The following RANBP2 variants were observed in gnomAD, a reference collection of about 807,000 sequenced individuals.
RANBP2 encodes E3 SUMO-protein ligase RanBP2.
Under a neutral mutation model 303.6 loss-of-function variants are expected in RANBP2, and 57 were observed. That is an observed-to-expected ratio of 0.19 (90% CI 0.15 to 0.23). The LOEUF (loss-of-function observed/expected upper bound fraction) is 0.23. RANBP2 is among the 10% of genes least tolerant of loss of function. The pLI is 1.00. For synonymous variants in RANBP2, 1,167 were observed against 1,301.5 expected, an observed-to-expected ratio of 0.90 and a Z score of 2.23; for missense variants, 3,138 against 3,780.8, an observed-to-expected ratio of 0.83 and a Z score of 4.46.
the RANBP2 span, among the ~76,000 whole-genome samples, chr2:109,716,257 T>A: frequency 4.9e-4 from 74 of 152,092 alleles, 1 homozygote; most frequent in South Asian, 1.2e-3. Flanking sequence ...TTAAAAAAAA[T>A]TTATTTATTT....
At chr2:108,965,274 G>A in the RANBP2 span, among the ~76,000 whole-genome samples, 3 of 152,014 alleles carry the variant, frequency 2.0e-5, no homozygotes, top group Non-Finnish European at 4.4e-5. Context: ...TCAGGAGATC[G>A]AGACCATCCT....
At chr2:109,380,944 A>G in the RANBP2 span, among the ~76,000 whole-genome samples, 1 of 152,264 alleles carries the variant, frequency 6.6e-6, no homozygotes, top group Non-Finnish European at 1.5e-5. Flanking sequence ...AAGAAGCTGC[A>G]TGCATGTAGA....
chr2:108,771,381 CTTTAA>C (rs1677485744), intron 20 of RANBP2, among the ~76,000 whole-genome samples: 1 of 152,020 alleles, frequency 6.6e-6, no homozygotes, highest in Non-Finnish European at 1.5e-5. Flanking sequence ...TTAGGCAACA[CTTTAA>C]AATTTTTAAC....
the RANBP2 span, among the ~76,000 whole-genome samples, chr2:108,926,101 G>T: frequency 1.1e-4 from 17 of 152,268 alleles, no homozygotes; most frequent in Non-Finnish European, 1.5e-4. Context: ...TCACCGCCTG[G>T]CTTACACCTG....
chr2:108,738,316 C>T (rs1046851980), intron 6 of RANBP2, among the ~76,000 whole-genome samples: 9 of 151,902 alleles, frequency 5.9e-5, no homozygotes, highest in African/African-American at 2.2e-4. Context: ...ACCTTGTGAT[C>T]CGCCCGCCTC....
At chr2:109,665,261 C>A in the RANBP2 span, 1 of 152,772 alleles carries the variant, frequency 6.5e-6, no homozygotes, top group South Asian at 1.9e-4. Context: ...TGGAAATGGT[C>A]CGATAGCAAC....
At chr2:109,078,230 A>ATATAGCG in the RANBP2 span, among the ~76,000 whole-genome samples, 1 of 39,784 alleles carries the variant, frequency 2.5e-5, no homozygotes, top group Non-Finnish European at 5.2e-5. Flanking sequence ...TATAGCGTGT[A>ATATAGCG]TATATATATA....
chr2:109,466,945 C>G, the RANBP2 span, among the ~76,000 whole-genome samples: 5 of 151,836 alleles, frequency 3.3e-5, no homozygotes, highest in African/African-American at 1.2e-4. Flanking sequence ...ATGTGTGTGT[C>G]TATATATCTG....
the RANBP2 span, among the ~76,000 whole-genome samples, chr2:109,434,359 A>G: frequency 2.8e-4 from 42 of 152,334 alleles, no homozygotes; most frequent in African/African-American, 1.0e-3. Flanking sequence ...CCCAGTTTCC[A>G]GTTTCTCTCC....
At chr2:109,206,552 T>C in the RANBP2 span, among the ~76,000 whole-genome samples, 1 of 134,820 alleles carries the variant, frequency 7.4e-6, no homozygotes, top group Non-Finnish European at 1.6e-5. Context: ...CTCACACCTA[T>C]AATCCCAGCA....
chr2:108,813,531 A>C, the RANBP2 span, among the ~76,000 whole-genome samples: 1 of 152,180 alleles, frequency 6.6e-6, no homozygotes. Flanking sequence ...TTGACACTCC[A>C]CAAGCATTTG....
At chr2:109,037,975 C>G in the RANBP2 span, among the ~76,000 whole-genome samples, 2 of 152,150 alleles carry the variant, frequency 1.3e-5, no homozygotes, top group African/African-American at 4.8e-5. Flanking sequence ...TGGAAAGGCA[C>G]AAGTCCTGGA....
the RANBP2 span, among the ~76,000 whole-genome samples, chr2:108,985,749 G>C: frequency 6.6e-6 from 1 of 152,182 alleles, no homozygotes; most frequent in Admixed American, 6.5e-5. Flanking sequence ...TTGCTAACTA[G>C]GATTTGTTTG....
chr2:108,855,560 C>A, the RANBP2 span, among the ~76,000 whole-genome samples: 1 of 151,516 alleles, frequency 6.6e-6, no homozygotes, highest in African/African-American at 2.4e-5. Context: ...CTTTGTTTAA[C>A]TTAATACACA....
chr2:109,569,966 T>C, the RANBP2 span, among the ~76,000 whole-genome samples: 1 of 151,992 alleles, frequency 6.6e-6, no homozygotes, highest in Non-Finnish European at 1.5e-5. Context: ...ACACCACCTC[T>C]CATCTTTATG....
At chr2:109,422,868 C>G in the RANBP2 span, among the ~76,000 whole-genome samples, 1 of 152,112 alleles carries the variant, frequency 6.6e-6, no homozygotes, top group African/African-American at 2.4e-5. Context: ...ATAGGGCTAC[C>G]CTGCAGGAGC....
chr2:109,552,664 C>T, the RANBP2 span: 1 of 173,886 alleles, frequency 5.8e-6, no homozygotes, highest in Non-Finnish European at 1.2e-5. Flanking sequence ...CCCTGCTAGG[C>T]ATAAGAAAAC....
rs148910172 is a variant in RANBP2, at chr2:108,772,931, C to G, written c.8177C>G (p.Ala2726Gly). The G allele has an allele frequency of 7.6e-5, 122 of 1,613,920 alleles. No individual in the cohort carries two copies. The highest frequency in any genetic ancestry group is 1.0e-4 in the Non-Finnish European group (119 of 1,179,984). The change falls in exon 23 of 29, where the codon GCA (alanine) becomes GGA (glycine). Residue 2726 changes from alanine (A) to glycine (G), a missense_variant. This residue lies in a region of RANBP2 where 497 missense variants were observed against 465.8 expected (regional missense o/e 1.07). Transcript: ENST00000283195. ...CCAACAGTTGAAGAGAAGGCAAAAG[C>G]AGATACGTTAAAACTTCCACCTACA... ...KKPTVEEKAK[A>G]DTLKLPPTFF...
the RANBP2 span, among the ~76,000 whole-genome samples, chr2:109,070,253 G>A: frequency 2.0e-5 from 3 of 152,224 alleles, no homozygotes; most frequent in African/African-American, 7.2e-5. Flanking sequence ...CTATGCTGTG[G>A]AATGAATTTG....
Sources: gnomAD v4.1 joint callset for allele counts (sites outside exome capture counted in the v4.1 genomes callset) on GRCh38, gnomAD v4.1.1 for gene constraint, gnomAD v4.1.1 regional missense constraint, MANE v1.5 for transcripts, NCBI Gene and HGNC (gene_info 2026-07-23, HGNC 2026-07-21) for gene names.